The following PRKG1 variants were observed in gnomAD, a reference collection of about 807,000 sequenced individuals.
The protein encoded by PRKG1 is cGMP-dependent protein kinase 1.
PRKG1 carries 35 observed loss-of-function variants against 88.1 expected under a neutral mutation model. The observed-to-expected ratio is 0.40, with a 90% CI of 0.30 to 0.53. The LOEUF (loss-of-function observed/expected upper bound fraction) is 0.53, where lower values mean the gene tolerates loss of function less well. PRKG1 is among the 20% of genes least tolerant of loss of function. The probability of loss-of-function intolerance (pLI) is 0.59; values close to 1 mark genes in which losing one functional copy is unlikely to be tolerated. For synonymous variants in PRKG1, 303 were observed against 292.5 expected (o/e 1.04, Z -0.37); for missense variants, 540 against 839.8 (o/e 0.64, Z 4.41).
At chr10:51,346,198 T>C (rs1026129762) in intron 2 of PRKG1, among the ~76,000 whole-genome samples, 2 of 152,218 alleles carry the variant, frequency 1.3e-5, no homozygotes, top group Non-Finnish European at 2.9e-5. Context: ...AATAGTGTTC[T>C]CTCATAATTT....
chr10:51,800,928 T>C (rs1190891266), intron 3 of PRKG1, among the ~76,000 whole-genome samples: 2 of 152,114 alleles, frequency 1.3e-5, no homozygotes, highest in East Asian at 1.9e-4. Flanking sequence ...CTTCAACGTT[T>C]GAATTTTGGG....
intron 5 of PRKG1, among the ~76,000 whole-genome samples, chr10:52,052,070 T>C (rs1459774921): frequency 2.0e-5 from 3 of 152,220 alleles, no homozygotes; most frequent in Non-Finnish European, 4.4e-5. Flanking sequence ...ATTTAAACTT[T>C]AATTTATTAA....
chr10:51,728,753 C>A (rs1007522139), intron 3 of PRKG1, among the ~76,000 whole-genome samples: 6 of 152,076 alleles, frequency 3.9e-5, no homozygotes, highest in African/African-American at 1.2e-4. Flanking sequence ...CTTCCAGGAG[C>A]TTAGGTGTAC....
At position 51,902,709 on chromosome 10, in the gene PRKG1, A is replaced by G. The variant is rs1842005885; in HGVS notation, c.699-4798A>G. Among the ~76,000 whole-genome samples, 3 of 152,148 alleles carry G rather than the reference A, an allele frequency of 2.0e-5. No individual in the cohort carries two copies. In the South Asian group the frequency reaches 6.2e-4, roughly 32 times the overall value. Reference sequence around the variant, plus strand: ...TAGCATACTAATTTCTGTAAACAGCACACCTATCATAAACCTACTACCTTA... The same window carrying G: ...TAGCATACTAATTTCTGTAAACAGCGCACCTATCATAAACCTACTACCTTA... On this transcript the variant is annotated intron_variant, in intron 4 of 17. Coordinates refer to ENST00000373980, the MANE Select transcript of PRKG1 (RefSeq NM_006258.4).
intron 3 of PRKG1, among the ~76,000 whole-genome samples, chr10:51,644,105 A>G (rs1839862976): frequency 1.3e-5 from 2 of 152,198 alleles, no homozygotes. Context: ...TATCACACCT[A>G]AAAACTAATA....
rs79675823 is a variant in PRKG1 at position 51,962,433 on chromosome 10, G to A, written c.762+54863G>A. ...TTCCATGAAATAATAAATACAAATA[G>A]GATGATCATAGGTCTTGAATGGCTA... is the stretch of plus-strand genomic sequence containing the variant. On this transcript the variant is annotated intron_variant, in intron 5 of 17. Coordinates refer to ENST00000373980, the MANE Select transcript of PRKG1 (RefSeq NM_006258.4). Among the ~76,000 whole-genome samples the A allele has an allele frequency of 2.7e-3, 411 of 152,120 alleles. 3 individuals carry two copies. The highest frequency in any genetic ancestry group is 9.3e-3 in the African/African-American group (388 of 41,500).
intron 3 of PRKG1, among the ~76,000 whole-genome samples, chr10:51,518,079 A>T (rs1841638316): frequency 6.6e-6 from 1 of 151,968 alleles, no homozygotes; most frequent in South Asian, 2.1e-4. Flanking sequence ...GCTCACTGCA[A>T]CTCTGCCTCC....
intron 1 of PRKG1, among the ~76,000 whole-genome samples, chr10:51,049,542 A>C (rs1843535277): frequency 6.6e-6 from 1 of 152,192 alleles, no homozygotes; most frequent in African/African-American, 2.4e-5. Flanking sequence ...TAGCTTGTTT[A>C]ACTTAATATA....
chr10:51,717,243 C>T (rs1216655426), intron 3 of PRKG1, among the ~76,000 whole-genome samples: 1 of 152,200 alleles, frequency 6.6e-6, no homozygotes, highest in African/African-American at 2.4e-5. Flanking sequence ...TCCTTTCTCT[C>T]CACCTTTTTT....
intron 2 of PRKG1, among the ~76,000 whole-genome samples, chr10:51,381,615 G>C (rs1478857849): frequency 6.6e-6 from 1 of 152,130 alleles, no homozygotes; most frequent in Non-Finnish European, 1.5e-5. Context: ...TTTCTAGTTA[G>C]ATTTAGTAAA....
At chr10:51,160,536 A>G (rs2131987020) in intron 2 of PRKG1, among the ~76,000 whole-genome samples, 1 of 152,330 alleles carries the variant, frequency 6.6e-6, no homozygotes, top group Middle Eastern at 3.4e-3. Flanking sequence ...TTATCTGATT[A>G]TACCTGATTG....
At chr10:51,274,527 A>G (rs894956862) in intron 2 of PRKG1, among the ~76,000 whole-genome samples, 2 of 152,166 alleles carry the variant, frequency 1.3e-5, no homozygotes, top group African/African-American at 4.8e-5. Flanking sequence ...TGAAATTGGG[A>G]TGACAGTGTT....
At chr10:51,255,523 A>C (rs7079584) in intron 2 of PRKG1, among the ~76,000 whole-genome samples, 87,866 of 151,892 alleles carry the variant, frequency 0.58, 26,618 homozygotes, top group African/African-American at 0.78. Context: ...TGTAGTATGA[A>C]AGTTTCCCTG....
At position 51,043,048 on chromosome 10, in the gene PRKG1, T is replaced by C. The variant is rs1378514993; in HGVS notation, c.266+51404T>C. 2.6e-5 allele frequency among the ~76,000 whole-genome samples: 4 copies of C among 152,264 alleles called. No individual in the cohort carries two copies. In the East Asian group the frequency reaches 7.7e-4, roughly 29 times the overall value. On this transcript the variant is annotated intron_variant, in intron 1 of 17. Transcript: ENST00000401604. Reference sequence around the variant, plus strand: ...TGTTGTTTATAAACCACTCCCTTTATGGTATTTTGTTATAGCATCCCCAAT... The same window carrying C: ...TGTTGTTTATAAACCACTCCCTTTACGGTATTTTGTTATAGCATCCCCAAT...
chr10:51,674,253 G>A (rs2132354526), intron 3 of PRKG1, among the ~76,000 whole-genome samples: 1 of 152,078 alleles, frequency 6.6e-6, no homozygotes, highest in African/African-American at 2.4e-5. Flanking sequence ...ATGTGCCATG[G>A]TGGTTTGCCC....
At chr10:51,280,780 A>C (rs1840273299) in intron 2 of PRKG1, among the ~76,000 whole-genome samples, 1 of 152,046 alleles carries the variant, frequency 6.6e-6, no homozygotes, top group South Asian at 2.1e-4. Flanking sequence ...TCTTTTTTCA[A>C]GGTTTTTAGC....
intron 5 of PRKG1, among the ~76,000 whole-genome samples, chr10:51,976,683 T>C (rs1843842778): frequency 6.6e-6 from 1 of 151,992 alleles, no homozygotes. Context: ...AGTTAGATTG[T>C]AGTGATGGTT....
At chr10:51,635,389 A>G (rs1229294771) in intron 3 of PRKG1, among the ~76,000 whole-genome samples, 2 of 152,022 alleles carry the variant, frequency 1.3e-5, no homozygotes, top group East Asian at 1.9e-4. Flanking sequence ...GTCCTTTTTT[A>G]TATTAAAACA....
intron 7 of PRKG1, among the ~76,000 whole-genome samples, chr10:52,106,235 G>A (rs1381885332): frequency 6.6e-6 from 1 of 152,176 alleles, no homozygotes; most frequent in Admixed American, 6.5e-5. Flanking sequence ...TGGACCTGTT[G>A]GAGATGTTGG....
Sources: gnomAD v4.1 joint callset for allele counts (sites outside exome capture counted in the v4.1 genomes callset) on GRCh38, gnomAD v4.1.1 for gene constraint, MANE v1.5 for transcripts, NCBI Gene and HGNC (gene_info 2026-07-23, HGNC 2026-07-21) for gene names.